The following PRKAR2A variants were observed in gnomAD, a reference collection of about 807,000 sequenced individuals.
PRKAR2A encodes protein kinase cAMP-dependent type II regulatory subunit alpha.
PRKAR2A carries 29 observed loss-of-function variants against 51.9 expected under a neutral mutation model. That is an observed-to-expected ratio of 0.56 (90% CI 0.42 to 0.76). The LOEUF (loss-of-function observed/expected upper bound fraction) is 0.76, where lower values mean the gene tolerates loss of function less well. Among genes scored for constraint, PRKAR2A ranks in the 30% least tolerant of loss-of-function variants. The pLI is 0.00. For synonymous variants in PRKAR2A, 178 were observed against 186.2 expected (o/e 0.96, Z 0.36); for missense variants, 445 against 512.1 (o/e 0.87, Z 1.26).
chr3:48,773,118 T>C lies in PRKAR2A; in HGVS notation c.543-10A>G. On this transcript the variant is annotated splice_polypyrimidine_tract_variant and intron_variant, in intron 5 of 10. Coordinates refer to ENST00000265563, the MANE Select transcript of PRKAR2A (RefSeq NM_004157.4). The stretch of plus-strand genomic sequence containing the variant: ...AATGTCATAAGTTCCCCTAGAAGAA[T>C]GACAAAGAATAATTTAATTAGTTAC... The C allele has an allele frequency of 6.3e-7, 1 of 1,589,680 alleles. No individual in the cohort carries two copies. The highest frequency in any genetic ancestry group is 8.6e-7 in the Non-Finnish European group (1 of 1,161,956).
intron 2 of PRKAR2A, 105 bp from the exon 3 acceptor site, chr3:48,794,154 CTTTTTT>C: frequency 3.0e-6 from 2 of 662,408 alleles, no homozygotes; most frequent in East Asian, 7.0e-5. Context: ...GTTTTCTTTT[CTTTTTT>C]TTTTTTTTGA....
At chr3:48,787,870 A>C (rs1008303755) in intron 4 of PRKAR2A, among the ~76,000 whole-genome samples, 2 of 152,166 alleles carry the variant, frequency 1.3e-5, no homozygotes, top group Non-Finnish European at 2.9e-5. Context: ...CAGATTCCTA[A>C]GGAGGGCTGT....
rs544709818 is a variant in PRKAR2A, at chr3:48,752,260, C to T, written c.997G>A (p.Gly333Arg). ...AGGGCAAGCTCTCCAAAGTACTGCC[C>T]CTTATGGCAGCGGGCAATCTCGACC... ...QEVEIARCHKGQYFGELALVT... is the reference protein window; with the variant it reads ...QEVEIARCHKRQYFGELALVT... The change falls in exon 10 of 11, where the codon GGG becomes AGG. Residue 333 changes from glycine (G) to arginine (R), a missense_variant. By Grantham distance (125) the Gly-to-Arg change is moderately radical (BLOSUM62 -2). Coordinates refer to ENST00000265563, the MANE Select transcript of PRKAR2A (RefSeq NM_004157.4). 1.2e-5 allele frequency: 19 copies of T among 1,614,160 alleles called. No homozygotes were observed. The African/African-American group carries it at 2.5e-4, about 22-fold the overall frequency.
intron 2 of PRKAR2A, among the ~76,000 whole-genome samples, chr3:48,797,949 TTC>T (rs1376681362): frequency 6.6e-6 from 1 of 152,170 alleles, no homozygotes; most frequent in African/African-American, 2.4e-5. Context: ...TCCTAGACAT[TTC>T]TTTTTTCTTT....
intron 1 of PRKAR2A, among the ~76,000 whole-genome samples, chr3:48,820,219 G>A (rs997037949): frequency 3.3e-5 from 5 of 152,102 alleles, no homozygotes; most frequent in Admixed American, 6.6e-5. Context: ...TAGATCTACC[G>A]CAAGGGAATA....
chr3:48,797,984 C>T (rs2082522641), intron 2 of PRKAR2A, among the ~76,000 whole-genome samples: 1 of 152,112 alleles, frequency 6.6e-6, no homozygotes. Flanking sequence ...CACAGTTTTG[C>T]TCTTGTTGCC....
At chr3:48,832,856 C>T (rs1352209164) in intron 1 of PRKAR2A, among the ~76,000 whole-genome samples, 1 of 152,100 alleles carries the variant, frequency 6.6e-6, no homozygotes, top group African/African-American at 2.4e-5. Context: ...TGAAATAATT[C>T]CATTCTTTGA....
chr3:48,813,539 A>C (rs1302519254), intron 1 of PRKAR2A, among the ~76,000 whole-genome samples: 3 of 152,080 alleles, frequency 2.0e-5, no homozygotes, highest in Non-Finnish European at 4.4e-5. Context: ...CTAAAAATAC[A>C]AAAAATTAGC....
At chr3:48,774,975 T>C (rs549254380) in intron 5 of PRKAR2A, among the ~76,000 whole-genome samples, 2 of 152,304 alleles carry the variant, frequency 1.3e-5, no homozygotes, top group Admixed American at 6.5e-5. Context: ...AATATGATGT[T>C]AGCTGTAGGT....
rs1013325042 is a variant in PRKAR2A at position 48,830,993 on chromosome 3, G to A, written c.262+16342C>T. ...GGAAGTAGCTATAAACACAGATGAA[G>A]CTTCACTTGCTTGCCCACTGCTCAC... On this transcript the variant is annotated intron_variant, in intron 1 of 10. Transcript: ENST00000265563. 6.6e-5 allele frequency among the ~76,000 whole-genome samples: 10 copies of A among 152,292 alleles called. No homozygotes were observed. In the South Asian group the frequency reaches 2.1e-3, roughly 32 times the overall value.
At chr3:48,746,285 G>A (rs1169080412), downstream of PRKAR2A, among the ~76,000 whole-genome samples, 3 of 145,646 alleles carry the variant, frequency 2.1e-5, no homozygotes, top group Non-Finnish European at 4.5e-5. Context: ...GCTGGAAGCT[G>A]AGGCAGGAAG....
At chr3:48,745,535 T>G (rs1013643288), downstream of PRKAR2A, among the ~76,000 whole-genome samples, 5 of 144,880 alleles carry the variant, frequency 3.5e-5, no homozygotes, top group Admixed American at 6.9e-5. Context: ...AGGTTTTTTT[T>G]TTTTTTTTTT....
chr3:48,846,195 A>G (rs1476500371), intron 1 of PRKAR2A, among the ~76,000 whole-genome samples: 2 of 149,310 alleles, frequency 1.3e-5, no homozygotes, highest in Non-Finnish European at 3.0e-5. Context: ...AAACAAGAAT[A>G]TAGTTACTGG....
intron 1 of PRKAR2A, among the ~76,000 whole-genome samples, chr3:48,831,169 C>G (rs758074289): frequency 4.6e-5 from 7 of 152,088 alleles, no homozygotes; most frequent in Non-Finnish European, 7.4e-5. Context: ...ACCAGCATCA[C>G]CACAAACATG....
chr3:48,820,735 G>T (rs1466322621), intron 1 of PRKAR2A, among the ~76,000 whole-genome samples: 1 of 152,136 alleles, frequency 6.6e-6, no homozygotes, highest in Non-Finnish European at 1.5e-5. Flanking sequence ...CCTTGAACTG[G>T]TTGATAAAAG....
intron 2 of PRKAR2A, among the ~76,000 whole-genome samples, chr3:48,795,771 G>A (rs2082481780): frequency 6.6e-6 from 1 of 151,936 alleles, no homozygotes; most frequent in Non-Finnish European, 1.5e-5. Context: ...TCCTGACCTT[G>A]TGATCCATCT....
intron 3 of PRKAR2A, among the ~76,000 whole-genome samples, chr3:48,790,905 G>T (rs528254765): frequency 2.0e-5 from 3 of 151,694 alleles, no homozygotes; most frequent in South Asian, 2.1e-4. Flanking sequence ...AAAGCAGAGG[G>T]TTATAAATTT....
chr3:48,761,481 T>C (rs1272919815), intron 8 of PRKAR2A, among the ~76,000 whole-genome samples: 2 of 152,188 alleles, frequency 1.3e-5, no homozygotes, highest in Non-Finnish European at 2.9e-5. Flanking sequence ...GAAGACAGTA[T>C]TAAAAATGTA....
At chr3:48,840,879 CTTT>C (rs998914309) in intron 1 of PRKAR2A, among the ~76,000 whole-genome samples, 1 of 100,728 alleles carries the variant, frequency 9.9e-6, no homozygotes, top group South Asian at 3.7e-4. Flanking sequence ...CCTGGCCCAC[CTTT>C]TTTTTTTTTT....
Sources: allele counts gnomAD v4.1 joint callset (sites outside exome capture counted in the v4.1 genomes callset), GRCh38; gene constraint gnomAD v4.1.1; transcripts MANE v1.5; gene names NCBI Gene and HGNC (gene_info 2026-07-23, HGNC 2026-07-21).